TNFSF11: variants seen among roughly 807,000 people sequenced by gnomAD.
The protein encoded by TNFSF11 is tumor necrosis factor ligand superfamily member 11.
A neutral mutation model predicts 32.2 loss-of-function variants in TNFSF11; 12 were observed. That is an observed-to-expected ratio of 0.37 (90% CI 0.24 to 0.60). The LOEUF is 0.60. Ranked by LOEUF, TNFSF11 falls within the 20% of genes least tolerant of loss-of-function variation. The pLI is 0.66. For synonymous variants in TNFSF11, 172 were observed against 152.1 expected (o/e 1.13, Z -0.96); for missense variants, 345 against 398.0 (o/e 0.87, Z 1.13).
chr13:42,575,051 G>T (rs1179909458), intron 1 of TNFSF11, among the ~76,000 whole-genome samples: 2 of 152,200 alleles, frequency 1.3e-5, no homozygotes, highest in African/African-American at 4.8e-5. Context: ...GCGGGAGGTC[G>T]CGGTGCTCGT....
intron 1 of TNFSF11, among the ~76,000 whole-genome samples, chr13:42,579,049 G>C (rs1350612117): frequency 6.6e-6 from 1 of 152,102 alleles, no homozygotes; most frequent in Non-Finnish European, 1.5e-5. Flanking sequence ...TACATTTCTA[G>C]CAAGCCCTCA....
rs1566387247 is a variant in TNFSF11 at position 42,599,341 on chromosome 13, C to CA, written c.388-1411_388-1410insA. 1.1e-4 allele frequency among the ~76,000 whole-genome samples: 10 copies of CA among 92,328 alleles called. No individual in the cohort carries two copies. In the East Asian group the frequency reaches 2.2e-3, roughly 20 times the overall value. The allele number at this position is 92,328 out of a possible 152,430, so 60.6% of individuals were successfully genotyped here. A position where few individuals can be genotyped will look rare whatever the true frequency, so the allele number is the denominator to read the frequency against. On this transcript the variant is annotated intron_variant, in intron 2 of 4. Coordinates refer to ENST00000398795, the MANE Select transcript of TNFSF11 (RefSeq NM_003701.4). ...TCTATCTATCTATCTATCTATCTAT[C>CA]TATCTATCATCTATCTATCTATCTA...
chr13:42,574,387 C>T lies in TNFSF11; in HGVS notation c.84C>T (p.Gly28=), dbSNP rs778053946. ...MGGGPGAPHE[G]PLHAPPPPAP... is the part of the protein sequence containing the mutation. ...GCGGCCCCGGAGCCCCGCACGAGGG[C>T]CCCCTGCACGCCCCGCCGCCGCCTG... Residue 28 remains glycine (G), a synonymous_variant, in exon 1 of 5, where the codon GGC becomes GGT. Transcript: ENST00000398795. 8.4e-6 allele frequency: 13 copies of T among 1,547,934 alleles called. No individual in the cohort carries two copies. The highest frequency in any genetic ancestry group is 4.8e-5 in the East Asian group (2 of 41,328).
At chr13:42,581,031 C>T in intron 1 of TNFSF11, 95 bp from the exon 2 acceptor site, 2 of 1,326,316 alleles carry the variant, frequency 1.5e-6, no homozygotes, top group East Asian at 2.3e-5. Flanking sequence ...AAGACTCTTG[C>T]GAGTATGAAT....
chr13:42,606,203 A>G lies in TNFSF11; in HGVS notation c.533-294A>G, dbSNP rs541615617. On this transcript the variant is annotated intron_variant, in intron 4 of 4. Transcript: ENST00000398795. ...GAGTTACTGAACCTTGCCTATTGTT[A>G]CTCATGCCTTACTTCTGCTCTGAAC... Among the ~76,000 whole-genome samples the G allele has an allele frequency of 3.3e-5, 5 of 152,160 alleles. No homozygotes were observed. The East Asian group carries it at 9.7e-4, about 29-fold the overall frequency.
At position 42,568,333 on chromosome 13, in the gene TNFSF11, G is replaced by C. The variant is rs1041967286; in HGVS notation, c.-160+1571G>C. Among the ~76,000 whole-genome samples, 4 of 152,190 alleles carry C rather than the reference G, an allele frequency of 2.6e-5. No homozygotes were observed. The South Asian group carries it at 8.3e-4, about 32-fold the overall frequency. Reference sequence around the variant, plus strand: ...TGCTTTAGGTTTTTTCCAGTGGCAGGCTGCCCTTCCTGCCTGCAGGTTGTA... The same window carrying C: ...TGCTTTAGGTTTTTTCCAGTGGCAGCCTGCCCTTCCTGCCTGCAGGTTGTA... On this transcript the variant is annotated intron_variant, in intron 2 of 6. Transcript: ENST00000358545.
Position 42,595,188 on chromosome 13 carries a change from G to C in TNFSF11, c.388-5564G>C, listed in dbSNP as rs1011781990. Among the ~76,000 whole-genome samples, 5 of 152,314 alleles carry C rather than the reference G, an allele frequency of 3.3e-5. No homozygotes were observed. The South Asian group carries it at 1.0e-3, about 32-fold the overall frequency. On this transcript the variant is annotated intron_variant, in intron 2 of 4. Transcript: ENST00000398795. The stretch of plus-strand genomic sequence containing the variant: ...GCGTCCACTAGGTGGCAGTATCTCA[G>C]AAGGTTTCTTTTATCCTTGAATGGG...
At position 42,574,300 on chromosome 13, in the gene TNFSF11, C is replaced by T. The variant is rs781185506; in HGVS notation, c.-4C>T. The T allele has an allele frequency of 1.8e-5, 28 of 1,545,148 alleles. No individual in the cohort carries two copies. The East Asian group carries it at 4.4e-4, about 24-fold the overall frequency. ...AGAGCTCCGAAGCGAGAGGGCCGAG[C>T]GCCATGCGCCGCGCCAGCAGAGACT... is the stretch of plus-strand genomic sequence containing the variant. On this transcript the variant is annotated 5_prime_UTR_variant, in exon 1 of 5. Transcript: ENST00000398795.
chr13:42,569,216 T>C (rs918053630), upstream of TNFSF11, among the ~76,000 whole-genome samples: 3 of 152,172 alleles, frequency 2.0e-5, no homozygotes, highest in African/African-American at 7.2e-5. Context: ...CTGGATAGTC[T>C]GGGTGGGCCC....
chr13:42,580,744 T>A (rs1165546008), intron 1 of TNFSF11, among the ~76,000 whole-genome samples: 2 of 152,162 alleles, frequency 1.3e-5, no homozygotes, highest in African/African-American at 4.8e-5. Context: ...TTGCATATAG[T>A]TGATTTAAAG....
chr13:42,583,313 GA>G (rs1873708258), intron 2 of TNFSF11, among the ~76,000 whole-genome samples: 1 of 151,118 alleles, frequency 6.6e-6, no homozygotes, highest in African/African-American at 2.4e-5. Context: ...TCAGGAGACT[GA>G]GGTGGGAGGA....
chr13:42,566,301 T>C (rs543049070), intron 1 of TNFSF11, among the ~76,000 whole-genome samples: 2 of 152,308 alleles, frequency 1.3e-5, no homozygotes, highest in South Asian at 2.1e-4. Context: ...CCTCACTTCA[T>C]GGATGTCTAC....
At chr13:42,596,956 GTC>G (rs1868842660) in intron 2 of TNFSF11, among the ~76,000 whole-genome samples, 1 of 152,218 alleles carries the variant, frequency 6.6e-6, no homozygotes, top group African/African-American at 2.4e-5. Context: ...CTGCCTAGGT[GTC>G]TCTGCTGCGC....
At chr13:42,601,516 A>T (rs925508739) in intron 4 of TNFSF11, among the ~76,000 whole-genome samples, 8 of 152,172 alleles carry the variant, frequency 5.3e-5, no homozygotes, top group African/African-American at 1.9e-4. Context: ...TAGAGACCTG[A>T]TTATCTTGAA....
chr13:42,582,752 C>T (rs1873679727), intron 2 of TNFSF11, among the ~76,000 whole-genome samples: 1 of 152,336 alleles, frequency 6.6e-6, no homozygotes, highest in African/African-American at 2.4e-5. Flanking sequence ...GCAACAGCAA[C>T]AGCAATTCTG....
At chr13:42,579,011 C>T (rs981490345) in intron 1 of TNFSF11, among the ~76,000 whole-genome samples, 1 of 152,116 alleles carries the variant, frequency 6.6e-6, no homozygotes, top group South Asian at 2.1e-4. Flanking sequence ...TATTCTCAGG[C>T]AGTATGCCAA....
intron 1 of TNFSF11, among the ~76,000 whole-genome samples, chr13:42,563,173 T>A (rs1355947655): frequency 2.0e-5 from 3 of 152,204 alleles, no homozygotes; most frequent in Non-Finnish European, 4.4e-5. Context: ...TCCAGTTCCA[T>A]CCCACCCACA....
At chr13:42,581,437 T>C in intron 2 of TNFSF11, 144 bp downstream of exon 2, 1 of 915,140 alleles carries the variant, frequency 1.1e-6, no homozygotes, top group Non-Finnish European at 1.7e-6. Context: ...TTAAAGAGAT[T>C]AGCAGAATTA....
intron 2 of TNFSF11, among the ~76,000 whole-genome samples, chr13:42,587,162 A>G (rs1263132187): frequency 2.6e-5 from 4 of 152,136 alleles, no homozygotes; most frequent in East Asian, 3.8e-4. Context: ...TGGCTTCTCC[A>G]TTTGCTGTTA....
Sources: allele counts gnomAD v4.1 joint callset (sites outside exome capture counted in the v4.1 genomes callset), GRCh38; gene constraint gnomAD v4.1.1; transcripts MANE v1.5; gene names NCBI Gene and HGNC (gene_info 2026-07-23, HGNC 2026-07-21).